TIMP2: variants seen among roughly 807,000 people sequenced by gnomAD.
TIMP2 encodes TIMP metallopeptidase inhibitor 2.
A neutral mutation model predicts 24.3 loss-of-function variants in TIMP2; 5 were observed. The observed-to-expected ratio is 0.21, with a 90% CI of 0.11 to 0.43. The LOEUF (loss-of-function observed/expected upper bound fraction) is 0.43, where lower values mean the gene tolerates loss of function less well. Ranked by LOEUF, TIMP2 falls within the 20% of genes least tolerant of loss-of-function variation. The pLI, the probability that TIMP2 is intolerant of heterozygous loss-of-function variation, is 1.00. For missense variants in TIMP2, 221 were observed against 297.5 expected (o/e 0.74, Z 1.89); for synonymous variants, 130 against 123.2 (o/e 1.06, Z -0.37).
At chr17:78,858,150 A>G (rs1382597649) in intron 3 of TIMP2, among the ~76,000 whole-genome samples, 3 of 151,954 alleles carry the variant, frequency 2.0e-5, no homozygotes, top group African/African-American at 7.3e-5. Flanking sequence ...GAAACAAAGA[A>G]AAAACTTCCT....
At chr17:78,888,155 C>CT (rs5822277) in intron 1 of TIMP2, among the ~76,000 whole-genome samples, 20,838 of 141,404 alleles carry the variant, frequency 0.15, 2,153 homozygotes, top group African/African-American at 0.3. Context: ...CTTTTTGTTT[C>CT]TTTTTTTTTT....
At chr17:78,869,778 G>T (rs187539468) in intron 3 of TIMP2, among the ~76,000 whole-genome samples, 79 of 152,352 alleles carry the variant, frequency 5.2e-4, no homozygotes, top group African/African-American at 1.8e-3. Context: ...TAGTGCCATT[G>T]CACCCCAGCC....
chr17:78,894,241 A>G (rs1016995562), intron 1 of TIMP2, among the ~76,000 whole-genome samples: 1 of 152,014 alleles, frequency 6.6e-6, no homozygotes, highest in Non-Finnish European at 1.5e-5. Flanking sequence ...AGAGATGAAG[A>G]TGCTTAACCC....
Position 78,892,248 on chromosome 17 carries a change from G to A in TIMP2, c.131-18329C>T, listed in dbSNP as rs372727694. 4.1e-5 allele frequency: 64 copies of A among 1,550,848 alleles called. 3 individuals are homozygous for A. The highest frequency in any genetic ancestry group is 1.5e-4 in the East Asian group (6 of 40,914). Reference sequence around the variant, plus strand: ...TGCAGAGCGAGATCGCCTTTGCCCCGGGCTTGTAGCAATTTGTGCTTTTTC... The same window carrying A: ...TGCAGAGCGAGATCGCCTTTGCCCCAGGCTTGTAGCAATTTGTGCTTTTTC... On this transcript the variant is annotated intron_variant, in intron 1 of 4. Transcript: ENST00000262768.
At chr17:78,887,885 C>T (rs1012475822) in intron 1 of TIMP2, among the ~76,000 whole-genome samples, 10 of 151,920 alleles carry the variant, frequency 6.6e-5, no homozygotes, top group South Asian at 2.1e-4. Context: ...GAAACAAGCA[C>T]GAAACTGGAG....
rs923997736 is a variant in TIMP2, at chr17:78,902,007, A to C, written c.130+22952T>G. The C allele has an allele frequency of 1.2e-5, 7 of 574,672 alleles. No individual in the cohort carries two copies. In the African/African-American group the frequency reaches 1.3e-4, roughly 11 times the overall value. 35.6% of individuals were successfully genotyped at this position (574,672 alleles called of 1,614,324 possible). ...CCGTTTCTCTGAGTTCTAGCCTCTA[A>C]AAATACCCTCCATGACACGCTGTGT... On this transcript the variant is annotated intron_variant, in intron 1 of 4. Transcript: ENST00000262768.
intron 1 of TIMP2, among the ~76,000 whole-genome samples, chr17:78,885,538 C>A (rs1321301976): frequency 2.6e-5 from 4 of 152,158 alleles, no homozygotes; most frequent in Non-Finnish European, 2.9e-5. Context: ...CCAGGGGGCA[C>A]CCCTGAGCCC....
chr17:78,915,177 G>C (rs568903052), intron 1 of TIMP2, among the ~76,000 whole-genome samples: 2 of 152,050 alleles, frequency 1.3e-5, no homozygotes, highest in African/African-American at 4.8e-5. Context: ...GATTACAGGC[G>C]TGAGTCACTG....
chr17:78,892,455 C>T, intron 1 of TIMP2: 1 of 1,547,040 alleles, frequency 6.5e-7, no homozygotes, highest in Non-Finnish European at 8.7e-7. Flanking sequence ...CGTTCCACAG[C>T]AAACCTACGA....
In TIMP2 at chr17:78,891,552, A is replaced by G; in HGVS notation, c.131-17633T>C. 1 of 1,550,860 alleles carries G rather than the reference A, an allele frequency of 6.4e-7. No homozygotes were observed. The highest frequency in any genetic ancestry group is 8.7e-7 in the Non-Finnish European group (1 of 1,147,044). ...GCTGGGGACACGGCTTCCCTTCTGC[A>G]GCTGGAATCAGCTGGCCACAGCTGC... On this transcript the variant is annotated intron_variant, in intron 1 of 4. Coordinates refer to ENST00000262768, the MANE Select transcript of TIMP2 (RefSeq NM_003255.5). The surrounding 1 kb of genome is among the most constrained non-coding windows in gnomAD (Gnocchi z 4.5).
At chr17:78,893,374 AGT>A (rs1348841307) in intron 1 of TIMP2, among the ~76,000 whole-genome samples, 4 of 44,622 alleles carry the variant, frequency 9.0e-5, no homozygotes, top group African/African-American at 2.8e-4. Context: ...GGTGTGTAGG[AGT>A]GTGTGTGCAG....
chr17:78,891,241 G>A lies in TIMP2; in HGVS notation c.131-17322C>T, dbSNP rs770707790. 4.7e-4 allele frequency: 728 copies of A among 1,550,620 alleles called. No individual in the cohort carries two copies. Among genetic ancestry groups the A allele is most frequent in the Non-Finnish European group, 5.3e-4 (610 of 1,147,008 alleles). On this transcript the variant is annotated intron_variant, in intron 1 of 4. Transcript: ENST00000262768. The surrounding 1 kb of genome is among the most constrained non-coding windows in gnomAD (Gnocchi z 4.5). ...CCTTGCCCATGAACGTTTTCAAGTC[G>A]GTCTTGGACGCTGCCTGCTGCGCCT...
At chr17:78,867,572 G>C (rs538948462) in intron 3 of TIMP2, among the ~76,000 whole-genome samples, 16 of 150,878 alleles carry the variant, frequency 1.1e-4, no homozygotes, top group African/African-American at 3.7e-4. Context: ...ACCTGTGAGA[G>C]TCTCTCTTCC....
chr17:78,878,739 G>A (rs914691936), intron 1 of TIMP2, among the ~76,000 whole-genome samples: 4 of 152,118 alleles, frequency 2.6e-5, no homozygotes, highest in African/African-American at 9.7e-5. Context: ...GTGAGGGGCA[G>A]GGAAGTGGGG....
intron 1 of TIMP2, among the ~76,000 whole-genome samples, chr17:78,913,321 AT>A (rs2070225366): frequency 6.6e-6 from 1 of 152,224 alleles, no homozygotes; most frequent in Non-Finnish European, 1.5e-5. Context: ...AAAATTAGAG[AT>A]GATGGCTGTG....
chr17:78,909,455 C>A (rs1323224352), intron 1 of TIMP2, among the ~76,000 whole-genome samples: 5 of 150,282 alleles, frequency 3.3e-5, no homozygotes, highest in Non-Finnish European at 7.4e-5. Context: ...TCCCCCCGGA[C>A]CTGAAGCCCA....
Position 78,914,894 on chromosome 17 carries a change from G to A in TIMP2, c.130+10065C>T, listed in dbSNP as rs542602182. ...AAGCCACCGCGCCTGGCCAGTCTGG[G>A]CTTTTTCTTTTTTTTTTTTTGAGAC... is the stretch of plus-strand genomic sequence containing the variant. On this transcript the variant is annotated intron_variant, in intron 1 of 4. Transcript: ENST00000262768. Among the ~76,000 whole-genome samples, 6 of 127,234 alleles carry A rather than the reference G, an allele frequency of 4.7e-5. No homozygotes were observed. The East Asian group carries it at 1.1e-3, about 23-fold the overall frequency. The allele number at this position is 127,234 out of a possible 152,430, so 83.5% of individuals were successfully genotyped here.
Position 78,891,065 on chromosome 17 carries a change from A to T in TIMP2, c.131-17146T>A. On this transcript the variant is annotated intron_variant, in intron 1 of 4. Transcript: ENST00000262768. The surrounding 1 kb of genome is among the most constrained non-coding windows in gnomAD (Gnocchi z 4.5). ...GTGGAGCTGAAGGGAGCCCTCTGCC[A>T]GCGTGCCCAGTTTGGGGGTCTCTTG... The T allele has an allele frequency of 6.4e-7, 1 of 1,551,046 alleles. No individual in the cohort carries two copies. The highest frequency in any genetic ancestry group is 8.7e-7 in the Non-Finnish European group (1 of 1,147,096).
intron 1 of TIMP2, among the ~76,000 whole-genome samples, chr17:78,914,901 C>CAT (rs1555652690): frequency 1.4e-5 from 2 of 138,576 alleles, no homozygotes; most frequent in Non-Finnish European, 3.1e-5. Context: ...TGGGCTTTTT[C>CAT]TTTTTTTTTT....
Sources: allele counts gnomAD v4.1 joint callset (sites outside exome capture counted in the v4.1 genomes callset), GRCh38; gene constraint gnomAD v4.1.1; non-coding constraint Gnocchi (gnomAD v3.1); transcripts MANE v1.5; gene names NCBI Gene and HGNC (gene_info 2026-07-23, HGNC 2026-07-21).